STK36: variants seen among roughly 807,000 people sequenced by gnomAD.
The protein encoded by STK36 is serine/threonine kinase 36, also known as serine/threonine-protein kinase 36.
STK36 carries 116 observed loss-of-function variants against 142.2 expected under a neutral mutation model. That is an observed-to-expected ratio of 0.82 (90% CI 0.70 to 0.95). STK36 has a LOEUF of 0.95. STK36 is among the 40% of genes least tolerant of loss of function. The pLI, the probability that STK36 is intolerant of heterozygous loss-of-function variation, is 0.00. For synonymous variants in STK36, 619 were observed against 641.7 expected (o/e 0.96, Z 0.53); for missense variants, 1,422 against 1,617.2 (o/e 0.88, Z 2.07).
chr2:218,687,423 G>A (rs1425396700), intron 11 of STK36, among the ~76,000 whole-genome samples: 2 of 152,162 alleles, frequency 1.3e-5, no homozygotes, highest in African/African-American at 4.8e-5. Flanking sequence ...GCTAATTTTT[G>A]TATATAATGT....
chr2:218,691,003 C>T (rs934969890), intron 14 of STK36, among the ~76,000 whole-genome samples: 1 of 151,868 alleles, frequency 6.6e-6, no homozygotes, highest in Non-Finnish European at 1.5e-5. Context: ...TATATAAAGG[C>T]CCAGAGGCTT....
intron 22 of STK36, 127 bp from the exon 23 acceptor site, chr2:218,696,912 G>C: frequency 7.5e-7 from 1 of 1,328,292 alleles, no homozygotes; most frequent in Non-Finnish European, 1.1e-6. Context: ...GGAAATACTA[G>C]GTGGGAAAGC....
intron 11 of STK36, among the ~76,000 whole-genome samples, chr2:218,687,323 A>G (rs1444976323): frequency 1.3e-5 from 2 of 152,242 alleles, no homozygotes; most frequent in African/African-American, 4.8e-5. Context: ...TGTATAAGAA[A>G]TCTTTTCCAA....
At position 218,672,711 on chromosome 2, in the gene STK36, A is replaced by G. The variant is rs1940041600; in HGVS notation, c.-89-30A>G. The stretch of plus-strand genomic sequence containing the variant: ...AAAAAGAGGAAAAGGCAAGGTGGCT[A>G]ACATTTTTCCTTTCCCGTGCCCCAA... On this transcript the variant is annotated intron_variant, in intron 1 of 26. Transcript: ENST00000295709. The G allele has an allele frequency of 9.7e-6, 9 of 932,556 alleles. No homozygotes were observed. The South Asian group carries it at 1.2e-4, about 12-fold the overall frequency. 57.8% of individuals were successfully genotyped at this position (932,556 alleles called of 1,614,324 possible). A position where few individuals can be genotyped will look rare whatever the true frequency, so the allele number is the denominator to read the frequency against.
At chr2:218,693,201 CAT>C (rs1237275514) in intron 16 of STK36, 37 bp from the exon 17 acceptor site, 1 of 1,558,054 alleles carries the variant, frequency 6.4e-7, no homozygotes, top group Non-Finnish European at 8.8e-7. Context: ...GGGTTGTAAT[CAT>C]GTGGATAGGA....
intron 11 of STK36, among the ~76,000 whole-genome samples, chr2:218,685,925 A>T (rs577355504): frequency 6.6e-6 from 1 of 151,914 alleles, no homozygotes; most frequent in Non-Finnish European, 1.5e-5. Context: ...CCCCAGTAAA[A>T]TCCCTCATAC....
At chr2:218,692,403 A>G (rs981822897) in intron 15 of STK36, 110 bp downstream of exon 15, 2 of 1,511,968 alleles carry the variant, frequency 1.3e-6, no homozygotes, top group Admixed American at 1.9e-5. Context: ...GTAGGTGCTC[A>G]ATAAATAACT....
chr2:218,692,495 C>A, intron 15 of STK36, 88 bp from the exon 16 acceptor site: 2 of 1,528,742 alleles, frequency 1.3e-6, no homozygotes, highest in Non-Finnish European at 1.8e-6. Context: ...AGGTTCCCTA[C>A]TCCTGCTGCC....
Position 218,699,347 on chromosome 2 carries a change from A to T in STK36, c.3803A>T (p.Gln1268Leu). 6.2e-7 allele frequency: 1 copy of T among 1,613,236 alleles called. No individual in the cohort carries two copies. Residue 1268 changes from glutamine to leucine, a missense_variant and splice_region_variant, in exon 26 of 27, where the codon CAG becomes CTG. Gln to Leu is a moderately radical substitution (Grantham distance 113). Coordinates refer to ENST00000295709, the MANE Select transcript of STK36 (RefSeq NM_015690.5). Reference sequence around the variant, plus strand: ...CTGCAACAGGAGCCTGGCATCCATCAGGTATACCCTACAGCACTTATGAAC... The same window carrying T: ...CTGCAACAGGAGCCTGGCATCCATCTGGTATACCCTACAGCACTTATGAAC... ...RSLQQEPGIHQVLVSLGASEK... is the reference protein window; with the variant it reads ...RSLQQEPGIHLVLVSLGASEK...
At position 218,701,857 on chromosome 2, in the gene STK36, A is replaced by G; in HGVS notation, c.3805-9A>G. 6.2e-7 allele frequency: 1 copy of G among 1,613,834 alleles called. No homozygotes were observed. Among genetic ancestry groups the G allele is most frequent in the East Asian group, 2.2e-5 (1 of 44,880 alleles). The stretch of plus-strand genomic sequence containing the variant: ...TGTTCTGTTCTATCATCTGTTCTCT[A>G]TCCTACAGGTACTGGTGTCCCTGGG... On this transcript the variant is annotated splice_polypyrimidine_tract_variant and intron_variant, in intron 26 of 26. Transcript: ENST00000295709.
At chr2:218,695,988 T>G (rs1305088812) in intron 21 of STK36, among the ~76,000 whole-genome samples, 1 of 150,178 alleles carries the variant, frequency 6.7e-6, no homozygotes, top group East Asian at 2.0e-4. Flanking sequence ...CTTATCCTCC[T>G]GAGTAGCTGG....
At chr2:218,673,473 A>G (rs1477048738) in intron 2 of STK36, 152 bp from the exon 3 acceptor site, 4 of 1,116,802 alleles carry the variant, frequency 3.6e-6, no homozygotes, top group East Asian at 2.6e-5. Flanking sequence ...CCAGGGTACC[A>G]TGGAGAAAAT....
intron 21 of STK36, among the ~76,000 whole-genome samples, chr2:218,695,381 A>G (rs1002024679): frequency 2.0e-5 from 3 of 151,176 alleles, no homozygotes; most frequent in African/African-American, 7.3e-5. Flanking sequence ...ATGCACCACC[A>G]TGCCCAGCTA....
intron 5 of STK36, among the ~76,000 whole-genome samples, chr2:218,675,763 A>T (rs559871910): frequency 6.3e-4 from 96 of 152,100 alleles, no homozygotes; most frequent in Middle Eastern, 6.8e-3. Flanking sequence ...ACCTCAGGTG[A>T]TCTGCCCACC....
At chr2:218,673,479 A>G (rs1252636912) in intron 2 of STK36, 146 bp from the exon 3 acceptor site, 9 of 1,182,846 alleles carry the variant, frequency 7.6e-6, no homozygotes, top group Non-Finnish European at 1.0e-5. Context: ...TACCATGGAG[A>G]AAATGGAAGC....
intron 11 of STK36, among the ~76,000 whole-genome samples, chr2:218,686,298 T>G (rs978178635): frequency 2.0e-5 from 3 of 151,964 alleles, no homozygotes; most frequent in Admixed American, 6.6e-5. Flanking sequence ...CACTCTGTCA[T>G]CTAGGCTGGA....
chr2:218,702,657 C>G lies in STK36; in HGVS notation c.*648C>G, dbSNP rs1372540662. 6.6e-6 allele frequency: 1 copy of G among 152,136 alleles called. No individual in the cohort carries two copies. Among genetic ancestry groups the G allele is most frequent in the Non-Finnish European group, 1.5e-5 (1 of 68,038 alleles). The allele number at this position is 152,136 out of a possible 1,614,324, so 9.4% of individuals were successfully genotyped here. A position where few individuals can be genotyped will look rare whatever the true frequency, so the allele number is the denominator to read the frequency against. ...AGCTCCCAGGACAAGGGTTGAGAGGCTCAACCCCTCTTTCAGCTTCTATGT... is the reference window on the plus strand; with the variant it reads ...AGCTCCCAGGACAAGGGTTGAGAGGGTCAACCCCTCTTTCAGCTTCTATGT... On this transcript the variant is annotated 3_prime_UTR_variant, in exon 27 of 27. Transcript: ENST00000295709.
Position 218,702,024 on chromosome 2 carries a change from G to C in STK36, c.*15G>C, listed in dbSNP as rs142584165. ...ATAGCATGTGATTCCAGATTCCTGCGGTCCAGCCTCCAACTTTGGTTGCCA... is the reference window on the plus strand; with the variant it reads ...ATAGCATGTGATTCCAGATTCCTGCCGTCCAGCCTCCAACTTTGGTTGCCA... On this transcript the variant is annotated 3_prime_UTR_variant, in exon 27 of 27. Transcript: ENST00000295709. 2.5e-6 allele frequency: 4 copies of C among 1,612,450 alleles called. No individual in the cohort carries two copies. The Admixed American group carries it at 6.7e-5, about 27-fold the overall frequency.
At chr2:218,681,433 A>G (rs1940516817) in intron 10 of STK36, among the ~76,000 whole-genome samples, 1 of 152,124 alleles carries the variant, frequency 6.6e-6, no homozygotes, top group Non-Finnish European at 1.5e-5. Flanking sequence ...GGTCTACAAC[A>G]TTTTATTAAT....
Sources: gnomAD v4.1 joint callset for allele counts (sites outside exome capture counted in the v4.1 genomes callset) on GRCh38, gnomAD v4.1.1 for gene constraint, MANE v1.5 for transcripts, NCBI Gene and HGNC (gene_info 2026-07-23, HGNC 2026-07-21) for gene names.